PTPRU: variants seen among roughly 807,000 people sequenced by gnomAD.
The protein encoded by PTPRU is receptor-type tyrosine-protein phosphatase U.
PTPRU carries 69 observed loss-of-function variants against 166.3 expected under a neutral mutation model. The ratio of observed to expected loss-of-function variants is 0.41; its 90% confidence interval spans 0.34 to 0.51. PTPRU has a LOEUF of 0.51. Ranked by LOEUF, PTPRU falls within the 20% of genes least tolerant of loss-of-function variation. The pLI is 0.09. For synonymous variants in PTPRU, 793 were observed against 814.0 expected, an observed-to-expected ratio of 0.97 and a Z score of 0.44; for missense variants, 1,657 against 2,013.7, an observed-to-expected ratio of 0.82 and a Z score of 3.39.
At chr1:29,289,577 C>A in intron 14 of PTPRU, 2 of 1,375,294 alleles carry the variant, frequency 1.5e-6, no homozygotes, top group Non-Finnish European at 2.0e-6. Context: ...CTCCCCAGCC[C>A]GGGAGGTACC....
Position 29,260,599 on chromosome 1 carries a change from T to G in PTPRU, c.851-11T>G. ...ATCGGTCCGCCTCGCCTCTCCCCCA[T>G]CTCCTCGCAGAGCCCCCAACTCCCA... On this transcript the variant is annotated splice_polypyrimidine_tract_variant and intron_variant, in intron 6 of 29. Coordinates refer to ENST00000373779, the MANE Select transcript of PTPRU (RefSeq NM_133178.4). This position sits in a 1 kb window ranked among gnomAD's most constrained non-coding sequence, Gnocchi z 8.3. The G allele has an allele frequency of 6.7e-7, 1 of 1,487,476 alleles. No individual in the cohort carries two copies. The highest frequency in any genetic ancestry group is 9.0e-7 in the Non-Finnish European group (1 of 1,117,268). 92.1% of individuals were successfully genotyped at this position (1,487,476 alleles called of 1,614,324 possible).
At chr1:29,241,176 G>A in intron 1 of PTPRU, among the ~76,000 whole-genome samples, 1 of 152,156 alleles carries the variant, frequency 6.6e-6, no homozygotes, top group East Asian at 1.9e-4. Flanking sequence ...GGAGCCTGGT[G>A]CTAAGGGTGT....
intron 15 of PTPRU, among the ~76,000 whole-genome samples, chr1:29,302,614 A>T (rs1250136206): frequency 6.6e-6 from 1 of 151,954 alleles, no homozygotes; most frequent in Non-Finnish European, 1.5e-5. Context: ...CAGTGGCGCG[A>T]TCTTGGCTCA....
chr1:29,250,067 T>A (rs1684482471), intron 1 of PTPRU, among the ~76,000 whole-genome samples: 1 of 152,172 alleles, frequency 6.6e-6, no homozygotes, highest in Admixed American at 6.5e-5. Flanking sequence ...CACAAATCCT[T>A]CCACCCATCT....
chr1:29,323,578 C>T (rs1381610318), intron 27 of PTPRU, 53 bp from the exon 28 acceptor site: 1 of 1,611,464 alleles, frequency 6.2e-7, no homozygotes, highest in Non-Finnish European at 8.5e-7. Context: ...TCATCAGGGG[C>T]CCCTGGGACC....
chr1:29,262,943 T>C (rs546647026), intron 7 of PTPRU, among the ~76,000 whole-genome samples: 1 of 152,310 alleles, frequency 6.6e-6, no homozygotes, highest in East Asian at 1.9e-4. Context: ...TCATATAATA[T>C]ATAATCTTTT....
In PTPRU at chr1:29,284,864, C is replaced by T; in HGVS notation, c.2313C>T (p.Arg771=). ...LLLGAIIVII[R]KGKPVNMTKA... is the part of the protein sequence containing the mutation. ...TGGGTGCCATCATTGTCATCATCCG[C>T]AAAGGGTGAGTGAGGCCGGTGCCCT... Residue 771 remains arginine (R), a synonymous_variant, in exon 14 of 30, where the codon CGC becomes CGT. Transcript: ENST00000373779. 1 of 1,610,744 alleles carries T rather than the reference C, an allele frequency of 6.2e-7. No homozygotes were observed. The highest frequency in any genetic ancestry group is 8.5e-7 in the Non-Finnish European group (1 of 1,177,912).
chr1:29,309,236 G>A (rs1283149617), intron 18 of PTPRU, among the ~76,000 whole-genome samples: 2 of 152,140 alleles, frequency 1.3e-5, no homozygotes, highest in African/African-American at 4.8e-5. Context: ...CCAGCAATAT[G>A]GACACCACCT....
chr1:29,257,876 T>G lies in PTPRU; in HGVS notation c.206-629T>G, dbSNP rs1182939351. Among the ~76,000 whole-genome samples the G allele has an allele frequency of 6.6e-6, 1 of 152,092 alleles. No individual in the cohort carries two copies. Among genetic ancestry groups the G allele is most frequent in the Admixed American group, 6.6e-5 (1 of 15,266 alleles). On this transcript the variant is annotated intron_variant, in intron 2 of 29. Coordinates refer to ENST00000373779, the MANE Select transcript of PTPRU (RefSeq NM_133178.4). This position sits in a 1 kb window ranked among gnomAD's most constrained non-coding sequence, Gnocchi z 4.6. ...TTGACTCCAGGGATGAATGACCTAGTCCCTGTCTCCAGGGATAGCTCAGAA... is the reference window on the plus strand; with the variant it reads ...TTGACTCCAGGGATGAATGACCTAGGCCCTGTCTCCAGGGATAGCTCAGAA...
intron 7 of PTPRU, among the ~76,000 whole-genome samples, chr1:29,273,480 G>A (rs927846474): frequency 3.3e-5 from 5 of 152,116 alleles, no homozygotes; most frequent in Non-Finnish European, 5.9e-5. Context: ...TGTTGGCCAG[G>A]CTGGTCTCAA....
intron 15 of PTPRU, among the ~76,000 whole-genome samples, chr1:29,295,494 C>A (rs1686841018): frequency 6.6e-6 from 1 of 152,022 alleles, no homozygotes; most frequent in African/African-American, 2.4e-5. Context: ...TTATATTGCC[C>A]CATTTATTTA....
chr1:29,241,843 T>C (rs1018590610), intron 1 of PTPRU, among the ~76,000 whole-genome samples: 2 of 150,178 alleles, frequency 1.3e-5, no homozygotes, highest in Non-Finnish European at 3.0e-5. Flanking sequence ...TCTGCCTGCC[T>C]TGGCCTTCCA....
Position 29,303,903 on chromosome 1 carries a change from G to C in PTPRU, c.2525G>C (p.Gly842Ala). ...ACTGAGGCCAGCAGCCTCCTGGGGG[G>C]CTCCCCGAGGCGTCCCTGTGGCCGG... is the stretch of plus-strand genomic sequence containing the variant. The part of the protein sequence containing the change: ...GVTEASSLLG[G>A]SPRRPCGRKG... Residue 842 changes from glycine (G) to alanine (A), a missense_variant, in exon 16 of 30, where the codon GGC becomes GCC. This residue lies in a region of PTPRU where 1,190 missense variants were observed against 1,477.4 expected (regional missense o/e 0.81). Coordinates refer to ENST00000373779, the MANE Select transcript of PTPRU (RefSeq NM_133178.4). 6.2e-7 allele frequency: 1 copy of C among 1,613,600 alleles called. No individual in the cohort carries two copies. Among genetic ancestry groups the C allele is most frequent in the Non-Finnish European group, 8.5e-7 (1 of 1,179,568 alleles).
At chr1:29,288,056 C>A (rs112589475) in intron 14 of PTPRU, among the ~76,000 whole-genome samples, 5,626 of 152,242 alleles carry the variant, frequency 0.037, 123 homozygotes, top group South Asian at 0.075. Flanking sequence ...CTCAGGTGAT[C>A]CACCCGCCTC....
Position 29,303,999 on chromosome 1 carries a change from A to G in PTPRU, c.2621A>G (p.Asn874Ser), listed in dbSNP as rs748647049. The G allele has an allele frequency of 5.6e-6, 9 of 1,612,824 alleles. No homozygotes were observed. Among genetic ancestry groups the G allele is most frequent in the Admixed American group, 1.7e-5 (1 of 60,020 alleles). ...GTCGCAGACCTTCTGCAGCACATCA[A>G]CCAGATGAAGACGGCCGAGGGTTAC... is the stretch of plus-strand genomic sequence containing the variant. ...VRVADLLQHI[N>S]QMKTAEGYGF... Residue 874 changes from asparagine to serine, a missense_variant, in exon 16 of 30, where the codon AAC becomes AGC. Transcript: ENST00000373779.
At chr1:29,262,719 T>G (rs1411530452) in intron 7 of PTPRU, among the ~76,000 whole-genome samples, 1 of 152,202 alleles carries the variant, frequency 6.6e-6, no homozygotes, top group African/African-American at 2.4e-5. Flanking sequence ...ACTACTGTAT[T>G]GACAGAGTTA....
chr1:29,290,138 G>T (rs1279995496), intron 14 of PTPRU, among the ~76,000 whole-genome samples: 1 of 152,174 alleles, frequency 6.6e-6, no homozygotes, highest in Non-Finnish European at 1.5e-5. Flanking sequence ...GTGCATGTGG[G>T]TGGGGCCTAC....
intron 1 of PTPRU, among the ~76,000 whole-genome samples, chr1:29,243,844 C>T (rs553179209): frequency 1.3e-5 from 2 of 152,284 alleles, no homozygotes; most frequent in African/African-American, 2.4e-5. Flanking sequence ...TGGGGTTCTG[C>T]AGCACAGTCA....
rs2151936325 is a variant in PTPRU at position 29,238,130 on chromosome 1, C to T, written c.73+1413C>T. Among the ~76,000 whole-genome samples the T allele has an allele frequency of 6.6e-6, 1 of 152,058 alleles. No homozygotes were observed. Among genetic ancestry groups the T allele is most frequent in the East Asian group, 2.0e-4 (1 of 5,106 alleles). On this transcript the variant is annotated intron_variant, in intron 1 of 29. Transcript: ENST00000373779. The surrounding 1 kb of genome is among the most constrained non-coding windows in gnomAD (Gnocchi z 6.1). ...CGCTTGTCTGCTGTGTGGTCGCGTT[C>T]TCCGGGTGTGTTTCGGAGTCTGGTG... is the stretch of plus-strand genomic sequence containing the variant.
Sources: allele counts gnomAD v4.1 joint callset (sites outside exome capture counted in the v4.1 genomes callset), GRCh38; gene constraint gnomAD v4.1.1; regional missense constraint gnomAD v4.1.1; non-coding constraint Gnocchi (gnomAD v3.1); transcripts MANE v1.5; gene names NCBI Gene and HGNC (gene_info 2026-07-23, HGNC 2026-07-21).